KLRG1: variants seen among roughly 807,000 people sequenced by gnomAD.
KLRG1 encodes the protein killer cell lectin-like receptor subfamily G member 1.
Under a neutral mutation model 21.8 loss-of-function variants are expected in KLRG1, and 16 were observed. The ratio of observed to expected loss-of-function variants is 0.73; its 90% CI spans 0.50 to 1.11. The LOEUF (loss-of-function observed/expected upper bound fraction) is 1.11, where lower values mean the gene tolerates loss of function less well. Ranked by LOEUF, KLRG1 falls within the 50% of genes most tolerant of loss-of-function variation. The probability of loss-of-function intolerance (pLI) is 0.00; values close to 1 mark genes in which losing one functional copy is unlikely to be tolerated. For synonymous variants in KLRG1, 69 were observed against 75.9 expected (o/e 0.91, Z 0.47); for missense variants, 173 against 218.3 (o/e 0.79, Z 1.31).
chr12:8,965,148 A>G (rs906310833), intron 1 of KLRG1, among the ~76,000 whole-genome samples: 1 of 152,210 alleles, frequency 6.6e-6, no homozygotes, highest in Non-Finnish European at 1.5e-5. Flanking sequence ...ACTTCATGCT[A>G]AAAACTCTCA....
the KLRG1 span, among the ~76,000 whole-genome samples, chr12:9,033,845 C>T: frequency 6.6e-6 from 1 of 152,142 alleles, no homozygotes; most frequent in South Asian, 2.1e-4. Context: ...TTTGCGTCCT[C>T]TACAAAGGGC....
At chr12:9,157,818 G>T in the KLRG1 span, 1 of 1,613,934 alleles carries the variant, frequency 6.2e-7, no homozygotes, top group Non-Finnish European at 8.5e-7. Flanking sequence ...AGGCGGAGAG[G>T]GTCGCTTCAT....
the KLRG1 span, among the ~76,000 whole-genome samples, chr12:9,205,717 C>T: frequency 6.6e-6 from 1 of 152,008 alleles, no homozygotes; most frequent in Non-Finnish European, 1.5e-5. Flanking sequence ...ATTTTACTAC[C>T]CTTACTTTCC....
the KLRG1 span, among the ~76,000 whole-genome samples, chr12:9,209,054 A>T: frequency 6.6e-6 from 1 of 150,436 alleles, no homozygotes; most frequent in African/African-American, 2.4e-5. Context: ...TTTATCTGAG[A>T]TTTTTTTTTT....
the KLRG1 span, among the ~76,000 whole-genome samples, chr12:9,102,470 C>A: frequency 6.6e-6 from 1 of 152,204 alleles, no homozygotes; most frequent in African/African-American, 2.4e-5. Flanking sequence ...CCCACCTCAG[C>A]CTCCCAAAGT....
intron 1 of KLRG1, among the ~76,000 whole-genome samples, chr12:8,960,981 A>G (rs1198745928): frequency 2.6e-5 from 4 of 152,234 alleles, no homozygotes; most frequent in Admixed American, 6.5e-5. Context: ...CAAAGATACC[A>G]AGAATGTCAT....
the KLRG1 span, chr12:9,115,423 A>C: frequency 5.4e-6 from 1 of 184,660 alleles, no homozygotes; most frequent in Non-Finnish European, 1.1e-5. Context: ...TTTTTATAAA[A>C]TAGAAAATGG....
chr12:9,094,042 A>G, the KLRG1 span, among the ~76,000 whole-genome samples: 1 of 152,098 alleles, frequency 6.6e-6, no homozygotes, highest in Non-Finnish European at 1.5e-5. Flanking sequence ...GTGGAGTCCT[A>G]TGTGGCTGCT....
chr12:9,192,657 C>T, the KLRG1 span: 102 of 1,613,984 alleles, frequency 6.3e-5, no homozygotes, highest in African/African-American at 1.0e-3. Context: ...GGAGAAAACA[C>T]GATTTGCAGT....
At chr12:9,169,725 T>C in the KLRG1 span, 1 of 794,382 alleles carries the variant, frequency 1.3e-6, no homozygotes, top group Non-Finnish European at 1.8e-6. Flanking sequence ...TTAGAGATAG[T>C]TGAAGATTTT....
the KLRG1 span, among the ~76,000 whole-genome samples, chr12:9,109,595 G>C: frequency 9.9e-5 from 15 of 152,194 alleles, no homozygotes; most frequent in Non-Finnish European, 8.8e-5. Context: ...AGAGATCACT[G>C]TGTGCTTAAT....
chr12:9,088,721 C>T, the KLRG1 span, among the ~76,000 whole-genome samples: 7 of 152,062 alleles, frequency 4.6e-5, no homozygotes, highest in East Asian at 1.9e-4. Context: ...GCATTAGGTA[C>T]GGGATAGGCA....
the KLRG1 span, among the ~76,000 whole-genome samples, chr12:9,136,668 T>C: frequency 1.3e-5 from 2 of 152,340 alleles, no homozygotes; most frequent in East Asian, 3.9e-4. Context: ...GATTCCAGTT[T>C]TCTCCACATC....
At chr12:8,951,839 T>C (rs1385700494) in intron 1 of KLRG1, among the ~76,000 whole-genome samples, 4 of 152,296 alleles carry the variant, frequency 2.6e-5, no homozygotes, top group Admixed American at 2.6e-4. Context: ...GGAGGAACTG[T>C]TCATGTTGGA....
At chr12:9,182,233 AT>A in the KLRG1 span, 7 of 962,270 alleles carry the variant, frequency 7.3e-6, no homozygotes, top group African/African-American at 1.2e-4. Context: ...GCGTCCATTC[AT>A]TCTAATGGCT....
At chr12:9,068,881 C>A in the KLRG1 span, 1 of 1,439,234 alleles carries the variant, frequency 6.9e-7, no homozygotes. Context: ...TTTCAGGAAG[C>A]TTTCTTCTCT....
the KLRG1 span, chr12:9,057,675 G>A: frequency 1.3e-5 from 2 of 152,678 alleles, no homozygotes; most frequent in African/African-American, 4.8e-5. Flanking sequence ...TTCTTATGGG[G>A]TTGTCTTGCA....
chr12:8,965,727 A>T (rs1005724524), intron 1 of KLRG1, among the ~76,000 whole-genome samples: 1 of 152,262 alleles, frequency 6.6e-6, no homozygotes, highest in Non-Finnish European at 1.5e-5. Flanking sequence ...GCTCATGGGT[A>T]GGAAGAATCA....
chr12:9,208,367 G>A, the KLRG1 span: 2 of 1,587,746 alleles, frequency 1.3e-6, no homozygotes, highest in African/African-American at 1.3e-5. Flanking sequence ...TCAGGGTTGT[G>A]TCCAACTCTC....
Sources: gnomAD v4.1 joint callset for allele counts (sites outside exome capture counted in the v4.1 genomes callset) on GRCh38, gnomAD v4.1.1 for gene constraint, MANE v1.5 for transcripts, NCBI Gene and HGNC (gene_info 2026-07-23, HGNC 2026-07-21) for gene names.